The following MDFIC variants were observed in gnomAD, a reference collection of about 807,000 sequenced individuals.
MDFIC encodes the protein myoD family inhibitor domain-containing protein.
Under a neutral mutation model 23.2 loss-of-function variants are expected in MDFIC, and 17 were observed. That is an observed-to-expected ratio of 0.73 (90% CI 0.50 to 1.10). MDFIC has a LOEUF of 1.10. MDFIC is among the 50% of genes least tolerant of loss of function. MDFIC has a pLI of 0.00. For synonymous variants in MDFIC, 120 were observed against 115.2 expected, an observed-to-expected ratio of 1.04 and a Z score of -0.27; for missense variants, 356 against 316.6, an observed-to-expected ratio of 1.12 and a Z score of -0.95.
At chr7:114,981,761 A>C (rs781140641) in intron 4 of MDFIC, among the ~76,000 whole-genome samples, 2 of 152,236 alleles carry the variant, frequency 1.3e-5, no homozygotes, top group Non-Finnish European at 2.9e-5. Context: ...AATCTAGATT[A>C]AAATTTGATT....
chr7:114,986,641 T>A (rs1219846715), intron 4 of MDFIC, among the ~76,000 whole-genome samples: 1 of 151,106 alleles, frequency 6.6e-6, no homozygotes, highest in Non-Finnish European at 1.5e-5. Context: ...CACTGCTGAA[T>A]GCCTTTGTTT....
intron 2 of MDFIC, among the ~76,000 whole-genome samples, chr7:114,933,569 T>C (rs1476337915): frequency 6.6e-6 from 1 of 152,192 alleles, no homozygotes; most frequent in Non-Finnish European, 1.5e-5. Flanking sequence ...CATTCCTTTT[T>C]ATAATGGAGT....
rs543416227 is a variant in MDFIC, at chr7:114,940,553, A to T, written c.95-1722A>T. 2.0e-3 allele frequency among the ~76,000 whole-genome samples: 306 copies of T among 152,322 alleles called. 1 individual carries two copies. The highest frequency in any genetic ancestry group is 6.2e-3 in the African/African-American group (259 of 41,562). On this transcript the variant is annotated intron_variant, in intron 2 of 4. Coordinates refer to ENST00000393486, the MANE Select transcript of MDFIC (RefSeq NM_001166345.3). ...GGTACTCTTCTTGATATTTCTTAAT[A>T]TATTCACTCTTTCAGTGAGCTCATT...
chr7:114,965,126 T>A (rs752808630), intron 3 of MDFIC, among the ~76,000 whole-genome samples: 1 of 152,090 alleles, frequency 6.6e-6, no homozygotes, highest in Non-Finnish European at 1.5e-5. Context: ...TAGGTGTTGA[T>A]GTAAGAGTAA....
At chr7:114,939,922 G>A (rs1792505285) in intron 2 of MDFIC, among the ~76,000 whole-genome samples, 2 of 152,156 alleles carry the variant, frequency 1.3e-5, no homozygotes, top group South Asian at 4.1e-4. Flanking sequence ...CATAACAATG[G>A]CAGCAAGTAT....
chr7:114,977,651 G>T (rs963138928), intron 3 of MDFIC, among the ~76,000 whole-genome samples: 5 of 152,090 alleles, frequency 3.3e-5, no homozygotes, highest in African/African-American at 1.2e-4. Flanking sequence ...TGACCAGAAT[G>T]CTGGACAACA....
chr7:115,015,920 T>G lies in MDFIC; in HGVS notation c.726T>G (p.Ile242Met). The change falls in exon 5 of 5, where the codon ATT becomes ATG. Residue 242 changes from isoleucine to methionine, a missense_variant. Transcript: ENST00000393486. ...AAATCTGTATGGAATGCTGTGGAAT[T>G]TGTTTTCCTTCATAAATATTTATCT... Reference protein sequence around the residue: ...CLEICMECCGICFPS With the variant: ...CLEICMECCGMCFPS The G allele has an allele frequency of 6.2e-7, 1 of 1,612,414 alleles. No individual in the cohort carries two copies. Among genetic ancestry groups the G allele is most frequent in the Non-Finnish European group, 8.5e-7 (1 of 1,178,898 alleles).
intron 3 of MDFIC, among the ~76,000 whole-genome samples, chr7:114,964,578 C>T (rs1478711228): frequency 6.7e-6 from 1 of 149,366 alleles, no homozygotes. Context: ...TCCGACAGAA[C>T]ATCACTCTGT....
chr7:114,942,831 T>A (rs1025378095), intron 3 of MDFIC, among the ~76,000 whole-genome samples: 1 of 152,296 alleles, frequency 6.6e-6, no homozygotes, highest in Admixed American at 6.5e-5. Flanking sequence ...GTTAAAAAAA[T>A]TTTTTGTGAT....
chr7:114,985,770 T>C (rs939438191), intron 4 of MDFIC, among the ~76,000 whole-genome samples: 6 of 151,912 alleles, frequency 3.9e-5, no homozygotes, highest in African/African-American at 1.4e-4. Context: ...GAGAAGATAC[T>C]AGATGAGTAG....
At chr7:114,956,330 ATAAATAT>A (rs1792882798) in intron 3 of MDFIC, among the ~76,000 whole-genome samples, 1 of 150,266 alleles carries the variant, frequency 6.7e-6, no homozygotes, top group Non-Finnish European at 1.5e-5. Flanking sequence ...GGCTTAATAC[ATAAATAT>A]TATATATATA....
intron 3 of MDFIC, among the ~76,000 whole-genome samples, chr7:114,962,394 T>C (rs1793011247): frequency 6.6e-6 from 1 of 152,194 alleles, no homozygotes; most frequent in Non-Finnish European, 1.5e-5. Context: ...AGAAAATAAT[T>C]ACTTGAAATT....
intron 4 of MDFIC, among the ~76,000 whole-genome samples, chr7:115,011,340 A>G (rs895801300): frequency 6.6e-6 from 1 of 152,210 alleles, no homozygotes; most frequent in Non-Finnish European, 1.5e-5. Context: ...AGTACAAAGT[A>G]ATTTTCTAAT....
chr7:114,996,125 C>T (rs957559865), intron 4 of MDFIC, among the ~76,000 whole-genome samples: 1 of 152,184 alleles, frequency 6.6e-6, no homozygotes, highest in African/African-American at 2.4e-5. Flanking sequence ...AGATGGCTGA[C>T]ATGATCTGAC....
chr7:114,995,738 G>C (rs1387818959), intron 4 of MDFIC, among the ~76,000 whole-genome samples: 1 of 152,204 alleles, frequency 6.6e-6, no homozygotes, highest in Non-Finnish European at 1.5e-5. Flanking sequence ...AGCCGTGTGA[G>C]GTGTCAGTCT....
In MDFIC at chr7:114,979,736, A is replaced by G. The variant is rs139752152; in HGVS notation, c.448A>G (p.Lys150Glu). The G allele has an allele frequency of 5.1e-4, 825 of 1,614,040 alleles. 2 individuals are homozygous for G. Among genetic ancestry groups the G allele is most frequent in the Non-Finnish European group, 5.9e-4 (699 of 1,179,996 alleles). Residue 150 changes from lysine (K) to glutamate (E), a missense_variant, in exon 4 of 5, where the codon AAA becomes GAA. Transcript: ENST00000393486. The stretch of plus-strand genomic sequence containing the variant: ...AAACAGCGATATCAGTAAGAAGAGC[A>G]AAGTAAATGCTGTCTTTTCCCAAAA... ...SVNSDISKKS[K>E]VNAVFSQKTG...
chr7:114,970,678 A>G (rs1000027299), intron 3 of MDFIC, among the ~76,000 whole-genome samples: 1 of 152,196 alleles, frequency 6.6e-6, no homozygotes, highest in Non-Finnish European at 1.5e-5. Flanking sequence ...AGGCACTTGG[A>G]TGAGCCTGGA....
At position 114,983,725 on chromosome 7, in the gene MDFIC, G is replaced by A. The variant is rs200218196; in HGVS notation, c.493+3944G>A. Among the ~76,000 whole-genome samples the A allele has an allele frequency of 9.2e-5, 14 of 151,704 alleles. No individual in the cohort carries two copies. In the East Asian group the frequency reaches 9.7e-4, roughly 11 times the overall value. ...TGGAATTACAGGCGCCCACCACCAC[G>A]CCTGGCTAATTTTTTTTGTATTTTT... is the stretch of plus-strand genomic sequence containing the variant. On this transcript the variant is annotated intron_variant, in intron 4 of 4. Transcript: ENST00000393486.
At position 115,015,688 on chromosome 7, in the gene MDFIC, A is replaced by G; in HGVS notation, c.494A>G (p.Asp165Gly). ...GGTCTCCTCATCACTGAAAATGAAG[A>G]TTGTTGTGTCCACTGTATCCTGGCT... Reference protein sequence around the residue: ...FSQKTGSSPEDCCVHCILACL... With the variant: ...FSQKTGSSPEGCCVHCILACL... Residue 165 changes from aspartate to glycine, a missense_variant and splice_region_variant, in exon 5 of 5, where the codon GAT (aspartate) becomes GGT (glycine). By Grantham distance (94) the Asp-to-Gly change is moderately conservative (BLOSUM62 -1). Transcript: ENST00000393486. 1.2e-6 allele frequency: 2 copies of G among 1,613,510 alleles called. No homozygotes were observed. Among genetic ancestry groups the G allele is most frequent in the Non-Finnish European group, 1.7e-6 (2 of 1,179,574 alleles).
Sources: allele counts gnomAD v4.1 joint callset (sites outside exome capture counted in the v4.1 genomes callset), GRCh38; gene constraint gnomAD v4.1.1; transcripts MANE v1.5; gene names NCBI Gene and HGNC (gene_info 2026-07-23, HGNC 2026-07-21).